ASIC2: variants seen among roughly 807,000 people sequenced by gnomAD.
The protein encoded by ASIC2 is acid sensing ion channel subunit 2.
In ASIC2, 25 loss-of-function variants were observed where a neutral mutation model predicts 57.3. That is an observed-to-expected ratio of 0.44 (90% confidence interval 0.32 to 0.61). The LOEUF (loss-of-function observed/expected upper bound fraction) is 0.61. Among genes scored for constraint, ASIC2 ranks in the 20% least tolerant of loss-of-function variants. The pLI is 0.06. For missense variants in ASIC2, 641 were observed against 738.1 expected (o/e 0.87, Z 1.52); for synonymous variants, 319 against 307.5 (o/e 1.04, Z -0.39).
At chr17:34,016,616 TTATAGATATTGGCATAGCTATAGA>T (rs1335385605) in intron 1 of ASIC2, among the ~76,000 whole-genome samples, 2 of 152,150 alleles carry the variant, frequency 1.3e-5, no homozygotes, top group African/African-American at 2.4e-5. Flanking sequence ...AAGGAGATGG[TTATAGATATTGGCATAGCTATAGA>T]TATGCATGTG....
chr17:33,604,398 GC>G (rs1457259841), intron 1 of ASIC2, among the ~76,000 whole-genome samples: 1 of 152,176 alleles, frequency 6.6e-6, no homozygotes, highest in Admixed American at 6.5e-5. Flanking sequence ...CTCCTTGGGT[GC>G]CCTGTAAGCT....
chr17:33,054,971 G>C (rs1181045404), intron 3 of ASIC2, among the ~76,000 whole-genome samples: 1 of 152,140 alleles, frequency 6.6e-6, no homozygotes, highest in Admixed American at 6.5e-5. Context: ...TGGCCACATG[G>C]CCTTGGGTCA....
rs568489728 is a variant in ASIC2 at position 33,908,455 on chromosome 17, A to T, written c.555+247523T>A. Among the ~76,000 whole-genome samples the T allele has an allele frequency of 6.6e-5, 10 of 152,354 alleles. 1 individual carries two copies. The highest frequency in any genetic ancestry group is 2.2e-4 in the African/African-American group (9 of 41,580). On this transcript the variant is annotated intron_variant, in intron 1 of 9. Coordinates refer to the ASIC2 transcript ENST00000359872. ...CAAACATGGAGAAAAGCAGAGGGAA[A>T]CGGAGAAGGAGAGACAGATGGTGAG...
chr17:33,785,250 G>T (rs539923855), intron 1 of ASIC2, among the ~76,000 whole-genome samples: 1 of 152,174 alleles, frequency 6.6e-6, no homozygotes, highest in Admixed American at 6.5e-5. Context: ...CAAGAAGAGA[G>T]GCCCCAGGAG....
At chr17:33,150,035 T>C (rs1904723224) in intron 1 of ASIC2, among the ~76,000 whole-genome samples, 1 of 152,228 alleles carries the variant, frequency 6.6e-6, no homozygotes, top group African/African-American at 2.4e-5. Flanking sequence ...GCTCATTAAT[T>C]CTGAAAGCTG....
chr17:33,491,177 C>T (rs1380447633), intron 1 of ASIC2, among the ~76,000 whole-genome samples: 2 of 152,228 alleles, frequency 1.3e-5, no homozygotes, highest in South Asian at 2.1e-4. Flanking sequence ...GCAATTCCCA[C>T]ACCCACAGGA....
chr17:33,661,087 A>T (rs190460905), intron 1 of ASIC2, among the ~76,000 whole-genome samples: 51 of 152,220 alleles, frequency 3.4e-4, no homozygotes, highest in Middle Eastern at 3.4e-3. Flanking sequence ...GGGAGAAGCC[A>T]AGCCGACTCC....
intron 1 of ASIC2, among the ~76,000 whole-genome samples, chr17:33,883,789 AAAG>A (rs1206018087): frequency 6.6e-6 from 1 of 152,250 alleles, no homozygotes; most frequent in Non-Finnish European, 1.5e-5. Context: ...TCTGTAAAAC[AAAG>A]AAGAAGAACA....
intron 1 of ASIC2, among the ~76,000 whole-genome samples, chr17:33,992,398 G>T (rs966141960): frequency 6.6e-6 from 1 of 152,158 alleles, no homozygotes; most frequent in Non-Finnish European, 1.5e-5. Context: ...TCTGTCTCTC[G>T]TGAGCAATTC....
chr17:33,943,655 T>C (rs764989794), intron 1 of ASIC2, among the ~76,000 whole-genome samples: 5 of 128,266 alleles, frequency 3.9e-5, no homozygotes, highest in African/African-American at 1.5e-4. Context: ...AGTGAAAATA[T>C]AGGAGAAAGA....
Position 33,984,854 on chromosome 17 carries a change from A to C in ASIC2, c.555+171124T>G, listed in dbSNP as rs140023747. Reference sequence around the variant, plus strand: ...TTCTGAGCACAAGAGTGGAGGAAACAGAAGGCATGGATCACCTCTTTAACC... The same window carrying C: ...TTCTGAGCACAAGAGTGGAGGAAACCGAAGGCATGGATCACCTCTTTAACC... On this transcript the variant is annotated intron_variant, in intron 1 of 9. Transcript: ENST00000359872. Among the ~76,000 whole-genome samples, 45 of 152,364 alleles carry C rather than the reference A, an allele frequency of 3.0e-4. 1 individual carries two copies. In the East Asian group the frequency reaches 6.7e-3, roughly 23 times the overall value.
At chr17:33,552,602 G>T (rs1316563941) in intron 1 of ASIC2, among the ~76,000 whole-genome samples, 1 of 152,220 alleles carries the variant, frequency 6.6e-6, no homozygotes, top group African/African-American at 2.4e-5. Context: ...TGCCTGAAAG[G>T]CTGCCATGAG....
In ASIC2 at chr17:33,851,809, T is replaced by A. The variant is rs184162068; in HGVS notation, c.555+304169A>T. Among the ~76,000 whole-genome samples, 262 of 152,338 alleles carry A rather than the reference T, an allele frequency of 1.7e-3. 1 individual carries two copies. Among genetic ancestry groups the A allele is most frequent in the Non-Finnish European group, 2.9e-3 (198 of 68,028 alleles). On this transcript the variant is annotated intron_variant, in intron 1 of 9. Transcript: ENST00000359872. ...ATCACCCATAGTTGGGAACCACTGC[T>A]GTCAATGGACAATCAGTCTTTTAGG...
At chr17:34,000,052 TG>T (rs1010329243) in intron 1 of ASIC2, among the ~76,000 whole-genome samples, 6 of 139,100 alleles carry the variant, frequency 4.3e-5, no homozygotes, top group African/African-American at 1.9e-4. Context: ...GTGTTATTGT[TG>T]TTTTTTTTTT....
At chr17:33,145,493 CT>C (rs2142022961) in intron 1 of ASIC2, among the ~76,000 whole-genome samples, 1 of 152,372 alleles carries the variant, frequency 6.6e-6, no homozygotes, top group Non-Finnish European at 1.5e-5. Flanking sequence ...GTGGCAATGG[CT>C]TCCTGCAGAG....
intron 1 of ASIC2, among the ~76,000 whole-genome samples, chr17:33,650,539 C>T: frequency 6.6e-6 from 1 of 152,182 alleles, no homozygotes; most frequent in Non-Finnish European, 1.5e-5. Context: ...ATGTTGATAG[C>T]AGCTTTATTC....
At chr17:33,279,814 C>T (rs1391306553) in intron 1 of ASIC2, among the ~76,000 whole-genome samples, 1 of 152,088 alleles carries the variant, frequency 6.6e-6, no homozygotes, top group Non-Finnish European at 1.5e-5. Context: ...TCCTCATCAC[C>T]ACTTTTTCTA....
At chr17:33,607,758 A>AT (rs1231355416) in intron 1 of ASIC2, among the ~76,000 whole-genome samples, 1 of 152,134 alleles carries the variant, frequency 6.6e-6, no homozygotes, top group Non-Finnish European at 1.5e-5. Flanking sequence ...ACCACTCACT[A>AT]CAGAAATCTG....
chr17:33,917,296 G>A (rs1212107538), intron 1 of ASIC2, among the ~76,000 whole-genome samples: 1 of 152,028 alleles, frequency 6.6e-6, no homozygotes, highest in Non-Finnish European at 1.5e-5. Flanking sequence ...CAGGCCTCAC[G>A]TGCCTTAAAT....
Sources: gnomAD v4.1 joint callset for allele counts (sites outside exome capture counted in the v4.1 genomes callset) on GRCh38, gnomAD v4.1.1 for gene constraint, MANE v1.5 for transcripts, NCBI Gene and HGNC (gene_info 2026-07-23, HGNC 2026-07-21) for gene names.